SYNE2: variants seen among roughly 807,000 people sequenced by gnomAD.
The protein encoded by SYNE2 is nesprin-2.
In SYNE2, 431 loss-of-function variants were observed where a neutral mutation model predicts 856.3. That is an observed-to-expected ratio of 0.50 (90% CI 0.47 to 0.55). The LOEUF is 0.55. Among genes scored for constraint, SYNE2 ranks in the 20% least tolerant of loss-of-function variants. The pLI is 0.00. For missense variants in SYNE2, 8,129 were observed against 8,023.2 expected, an observed-to-expected ratio of 1.01 and a Z score of -0.50; for synonymous variants, 2,923 against 2,872.3, an observed-to-expected ratio of 1.02 and a Z score of -0.56.
chr14:64,145,720 GTC>G (rs972486060), intron 83 of SYNE2, among the ~76,000 whole-genome samples: 25 of 152,078 alleles, frequency 1.6e-4, no homozygotes, highest in African/African-American at 6.0e-4. Flanking sequence ...AATGCAGAAA[GTC>G]TGAGGAAAGA....
chr14:64,107,440 T>C (rs2097778725), intron 64 of SYNE2, 51 bp from the exon 65 acceptor site: 2 of 1,482,782 alleles, frequency 1.3e-6, no homozygotes, highest in African/African-American at 2.8e-5. Flanking sequence ...GAAGAATTCA[T>C]GTGGCACCAG....
chr14:64,210,042 G>A lies in SYNE2; in HGVS notation c.18641G>A (p.Arg6214Lys), dbSNP rs200152990. The A allele has an allele frequency of 1.5e-4, 246 of 1,614,168 alleles. No homozygotes were observed. The East Asian group carries it at 5.3e-3, about 35-fold the overall frequency. The change falls in exon 103 of 116, where the codon AGG (arginine) becomes AAG (lysine). Residue 6214 changes from arginine to lysine, a missense_variant. Coordinates refer to ENST00000555002, the MANE Select transcript of SYNE2 (RefSeq NM_182914.3). ...ARENRTDTAS[R>K]LKQMVHEGNQ... Reference sequence around the variant, plus strand: ...GAGAACCGCACAGACACGGCCAGCAGGCTGAAGCAGATGGTCCACGAGGGC... The same window carrying A: ...GAGAACCGCACAGACACGGCCAGCAAGCTGAAGCAGATGGTCCACGAGGGC...
chr14:63,909,837 A>G (rs2095451664), intron 2 of SYNE2, among the ~76,000 whole-genome samples: 2 of 152,198 alleles, frequency 1.3e-5, no homozygotes. Flanking sequence ...GCGAAACTCC[A>G]TCTCAAATAA....
chr14:63,944,792 T>TA (rs952499419), intron 6 of SYNE2, among the ~76,000 whole-genome samples: 3 of 147,436 alleles, frequency 2.0e-5, no homozygotes, highest in African/African-American at 7.6e-5. Context: ...GTGCTGGGAT[T>TA]ACAGGCGTGA....
intron 53 of SYNE2, among the ~76,000 whole-genome samples, chr14:64,074,834 G>A (rs897216251): frequency 4.0e-5 from 6 of 151,840 alleles, no homozygotes; most frequent in African/African-American, 9.7e-5. Context: ...GGTGGTGGTT[G>A]TAGTAAGCCG....
intron 1 of SYNE2, among the ~76,000 whole-genome samples, chr14:63,876,095 T>A (rs1038607796): frequency 6.6e-6 from 1 of 152,126 alleles, no homozygotes; most frequent in Admixed American, 6.5e-5. Flanking sequence ...GTTTGGTGAC[T>A]ATGGATTGAG....
rs75403851 is a variant in SYNE2, at chr14:64,160,797, C to T, written c.16095-1275C>T. ...ATATTCTTTGACTCTGTAATTCTCC[C>T]AGAAATCTAGTCTAAGACTAATATC... On this transcript the variant is annotated intron_variant, in intron 87 of 115. Coordinates refer to ENST00000555002, the MANE Select transcript of SYNE2 (RefSeq NM_182914.3). Among the ~76,000 whole-genome samples the T allele has an allele frequency of 7.1e-3, 1,086 of 152,216 alleles. 16 individuals are homozygous for T. Among genetic ancestry groups the T allele is most frequent in the African/African-American group, 0.025 (1,032 of 41,538 alleles).
chr14:64,082,392 A>C (rs1174931975), intron 57 of SYNE2, among the ~76,000 whole-genome samples: 2 of 151,700 alleles, frequency 1.3e-5, no homozygotes, highest in African/African-American at 4.9e-5. Flanking sequence ...AATTTGAAAA[A>C]GTCCAAAATC....
chr14:63,912,547 A>T (rs899190101), intron 2 of SYNE2, among the ~76,000 whole-genome samples: 1 of 152,208 alleles, frequency 6.6e-6, no homozygotes, highest in African/African-American at 2.4e-5. Flanking sequence ...CCCTGCTCAT[A>T]AGAAAGTTTT....
At chr14:64,182,909 T>C (rs373865445) in intron 96 of SYNE2, among the ~76,000 whole-genome samples, 2 of 152,214 alleles carry the variant, frequency 1.3e-5, no homozygotes, top group Non-Finnish European at 2.9e-5. Flanking sequence ...GTACACCTCC[T>C]AGACGGGGTG....
chr14:64,019,933 G>A, intron 34 of SYNE2, 59 bp from the exon 35 acceptor site: 2 of 1,094,726 alleles, frequency 1.8e-6, no homozygotes, highest in African/African-American at 1.6e-5. Context: ...GTAATTATGG[G>A]TATCAGAAAA....
chr14:63,794,176 CTTTA>C (rs1158601120), intron 1 of SYNE2, among the ~76,000 whole-genome samples: 5 of 152,184 alleles, frequency 3.3e-5, no homozygotes, highest in Admixed American at 2.6e-4. Context: ...TAACTGGAAA[CTTTA>C]TTTATTTTTG....
At chr14:63,960,204 A>C (rs1381405552) in intron 8 of SYNE2, among the ~76,000 whole-genome samples, 1 of 152,216 alleles carries the variant, frequency 6.6e-6, no homozygotes, top group East Asian at 1.9e-4. Flanking sequence ...AATTCTTAGA[A>C]ATTCTTCCTA....
intron 70 of SYNE2, 148 bp downstream of exon 70, chr14:64,122,575 C>A: frequency 1.9e-6 from 2 of 1,030,522 alleles, no homozygotes; most frequent in Non-Finnish European, 2.9e-6. Flanking sequence ...TCTTGGAAAC[C>A]TGCATTAGGA....
chr14:63,844,815 C>T lies in SYNE2; in HGVS notation c.-304-7686C>T, dbSNP rs141027896. ...ATCTTAGCATTTTATGAGGCCAAGG[C>T]GAGAGAATCTCTTGAGGCTGGGAGT... On this transcript the variant is annotated intron_variant, in intron 1 of 23. Coordinates refer to the SYNE2 transcript ENST00000674003. Among the ~76,000 whole-genome samples, 107 of 152,042 alleles carry T rather than the reference C, an allele frequency of 7.0e-4. 1 individual carries two copies. The South Asian group carries it at 0.016, about 23-fold the overall frequency.
At position 64,146,121 on chromosome 14, in the gene SYNE2, A is replaced by G. The variant is rs779859214; in HGVS notation, c.15537A>G (p.Ile5179Met). ...LESITESENK[I>M]QILNNWLEAQ... Reference sequence around the variant, plus strand: ...GTATCACTGAGAGTGAAAATAAAATACAGATCTTGAACAACTGGCTGGAAG... The same window carrying G: ...GTATCACTGAGAGTGAAAATAAAATGCAGATCTTGAACAACTGGCTGGAAG... Residue 5179 changes from isoleucine to methionine, a missense_variant, in exon 84 of 116, where the codon ATA becomes ATG. Physicochemically the swap from Ile to Met is conservative, Grantham distance 10. This residue lies in a region of SYNE2 where 5,410 missense variants were observed against 5,284.8 expected (regional missense o/e 1.02). Transcript: ENST00000555002. The G allele has an allele frequency of 6.2e-7, 1 of 1,605,906 alleles. No individual in the cohort carries two copies. The highest frequency in any genetic ancestry group is 8.5e-7 in the Non-Finnish European group (1 of 1,174,924).
At chr14:63,814,966 ATATC>A (rs1888851269) in intron 1 of SYNE2, among the ~76,000 whole-genome samples, 3 of 116,334 alleles carry the variant, frequency 2.6e-5, no homozygotes, top group Admixed American at 1.9e-4. Context: ...ATATCCATAT[ATATC>A]TATCCATATA....
intron 57 of SYNE2, 73 bp from the exon 58 acceptor site, chr14:64,087,598 G>C (rs2097573796): frequency 6.6e-7 from 1 of 1,511,382 alleles, no homozygotes; most frequent in African/African-American, 1.4e-5. Flanking sequence ...AATTTTCTCT[G>C]ATTTAAATAT....
intron 78 of SYNE2, among the ~76,000 whole-genome samples, chr14:64,135,504 G>A (rs991860315): frequency 1.3e-5 from 2 of 152,052 alleles, no homozygotes; most frequent in Admixed American, 6.5e-5. Flanking sequence ...GGTGGGAGTG[G>A]GGGTGATGAG....
Sources: gnomAD v4.1 joint callset for allele counts (sites outside exome capture counted in the v4.1 genomes callset) on GRCh38, gnomAD v4.1.1 for gene constraint, gnomAD v4.1.1 regional missense constraint, MANE v1.5 for transcripts, NCBI Gene and HGNC (gene_info 2026-07-23, HGNC 2026-07-21) for gene names.